Variants in EYA4 observed in about 807,000 individuals in gnomAD.
The protein encoded by EYA4 is protein phosphatase EYA4.
Under a neutral mutation model 87.9 loss-of-function variants are expected in EYA4, and 31 were observed. The observed-to-expected ratio is 0.35, with a 90% CI of 0.27 to 0.48. EYA4 has a LOEUF of 0.48. Ranked by LOEUF, EYA4 falls within the 20% of genes least tolerant of loss-of-function variation. EYA4 has a pLI of 0.99. For synonymous variants in EYA4, 263 were observed against 270.6 expected (o/e 0.97, Z 0.28); for missense variants, 678 against 761.4 (o/e 0.89, Z 1.29).
At chr6:133,387,933 A>T (rs573239746) in intron 3 of EYA4, among the ~76,000 whole-genome samples, 22 of 152,210 alleles carry the variant, frequency 1.4e-4, no homozygotes, top group African/African-American at 5.1e-4. Flanking sequence ...ATTCCTGCAG[A>T]TATGGATGCA....
chr6:133,494,599 G>A (rs73546803), intron 13 of EYA4, among the ~76,000 whole-genome samples: 4,516 of 151,644 alleles, frequency 0.03, 257 homozygotes, highest in East Asian at 0.18. Flanking sequence ...AACACTTTGG[G>A]AGGTGACGCA....
rs577520289 is a variant in EYA4, at chr6:133,505,863, T to C, written c.1192-243T>C. Among the ~76,000 whole-genome samples, 28 of 152,288 alleles carry C rather than the reference T, an allele frequency of 1.8e-4. No individual in the cohort carries two copies. In the South Asian group the frequency reaches 4.1e-3, roughly 23 times the overall value. On this transcript the variant is annotated intron_variant, in intron 13 of 19. Coordinates refer to ENST00000355286, the MANE Select transcript of EYA4 (RefSeq NM_004100.5). ...TCCTTCTCTCCTCAACATACAGCTT[T>C]ATGTGAAAATGTATGCTGAGTCATC...
intron 3 of EYA4, among the ~76,000 whole-genome samples, chr6:133,397,288 T>C (rs1562372756): frequency 1.3e-5 from 2 of 152,104 alleles, no homozygotes; most frequent in Non-Finnish European, 2.9e-5. Context: ...GTCAATAAGC[T>C]CCAGATCCTG....
At chr6:133,294,983 T>C (rs1778843958) in intron 2 of EYA4, among the ~76,000 whole-genome samples, 1 of 152,226 alleles carries the variant, frequency 6.6e-6, no homozygotes, top group African/African-American at 2.4e-5. Flanking sequence ...TCTTTTGCTC[T>C]AGTGTAATAT....
intron 2 of EYA4, among the ~76,000 whole-genome samples, chr6:133,333,016 G>C (rs1782098846): frequency 6.6e-6 from 1 of 151,902 alleles, no homozygotes; most frequent in African/African-American, 2.4e-5. Flanking sequence ...ATTTCTTCCA[G>C]TTTGTTATAT....
chr6:133,306,396 G>A (rs1047349038), intron 2 of EYA4, among the ~76,000 whole-genome samples: 9 of 152,142 alleles, frequency 5.9e-5, no homozygotes, highest in African/African-American at 2.2e-4. Flanking sequence ...AGAATCTGTA[G>A]CCAGTAACTG....
In EYA4 at chr6:133,437,834, C is replaced by T. The variant is rs920374558; in HGVS notation, c.84-8796C>T. 4.6e-5 allele frequency among the ~76,000 whole-genome samples: 7 copies of T among 152,192 alleles called. No individual in the cohort carries two copies. In the South Asian group the frequency reaches 8.3e-4, roughly 18 times the overall value. On this transcript the variant is annotated intron_variant, in intron 3 of 19. Transcript: ENST00000355286. Reference sequence around the variant, plus strand: ...ATCTTGAGAATAGCATGGGGGAGACCGCCCCTATGACTTGATTACCTCCAC... The same window carrying T: ...ATCTTGAGAATAGCATGGGGGAGACTGCCCCTATGACTTGATTACCTCCAC...
At chr6:133,281,137 C>T (rs762289485) in intron 2 of EYA4, among the ~76,000 whole-genome samples, 1 of 151,826 alleles carries the variant, frequency 6.6e-6, no homozygotes, top group Non-Finnish European at 1.5e-5. Context: ...TAAATTTGCC[C>T]CTATGTTATA....
intron 5 of EYA4, among the ~76,000 whole-genome samples, chr6:133,449,472 A>C (rs751063354): frequency 5.3e-5 from 8 of 152,336 alleles, no homozygotes; most frequent in Middle Eastern, 3.4e-3. Context: ...TTTACCTCTG[A>C]TCTCAACCAG....
chr6:133,512,580 C>T (rs1799250340), intron 14 of EYA4, 141 bp from the exon 15 acceptor site: 2 of 736,450 alleles, frequency 2.7e-6, no homozygotes, highest in African/African-American at 1.7e-5. Context: ...CAGAAGAAAA[C>T]AAGAGTGAGG....
chr6:133,479,297 C>T (rs2128702391), intron 11 of EYA4, among the ~76,000 whole-genome samples: 1 of 152,148 alleles, frequency 6.6e-6, no homozygotes, highest in South Asian at 2.1e-4. Flanking sequence ...TATATTCAAC[C>T]CCATAACTTA....
intron 3 of EYA4, chr6:133,439,468 A>G (rs563337985): frequency 6.6e-6 from 1 of 152,372 alleles, no homozygotes; most frequent in African/African-American, 2.4e-5. Context: ...CAATAAGGAT[A>G]TAGCAGTGAT....
chr6:133,317,974 C>T (rs1156244887), intron 2 of EYA4, among the ~76,000 whole-genome samples: 1 of 151,956 alleles, frequency 6.6e-6, no homozygotes, highest in African/African-American at 2.4e-5. Context: ...CATCTACCCA[C>T]CCATCCATCC....
intron 2 of EYA4, among the ~76,000 whole-genome samples, chr6:133,324,649 G>T (rs1781350717): frequency 6.6e-6 from 1 of 152,110 alleles, no homozygotes; most frequent in Non-Finnish European, 1.5e-5. Flanking sequence ...AAAGTGGAAA[G>T]ATAGGAGACC....
chr6:133,394,308 T>G (rs1162067243), intron 3 of EYA4, among the ~76,000 whole-genome samples: 1 of 88,764 alleles, frequency 1.1e-5, no homozygotes, highest in African/African-American at 2.9e-5. Flanking sequence ...TTTTTTTTTT[T>G]TTTTTTTTTT....
chr6:133,494,941 G>A (rs1797506359), intron 13 of EYA4, among the ~76,000 whole-genome samples: 1 of 152,164 alleles, frequency 6.6e-6, no homozygotes, highest in South Asian at 2.1e-4. Context: ...CATTTACCCT[G>A]ATGTGATTAT....
chr6:133,487,745 C>T (rs755042217), intron 13 of EYA4, among the ~76,000 whole-genome samples: 4 of 152,110 alleles, frequency 2.6e-5, no homozygotes, highest in African/African-American at 9.7e-5. Context: ...CAGTACTTGC[C>T]GCAGGCCTTG....
At position 133,420,913 on chromosome 6, in the gene EYA4, A is replaced by G. The variant is rs146643897; in HGVS notation, c.84-25717A>G. On this transcript the variant is annotated intron_variant, in intron 3 of 19. Coordinates refer to ENST00000355286, the MANE Select transcript of EYA4 (RefSeq NM_004100.5). ...CTGCAGTAGTTCAAGGACCTGCTGCACACTGTATACAGAATAGGGTACTGT... is the reference window on the plus strand; with the variant it reads ...CTGCAGTAGTTCAAGGACCTGCTGCGCACTGTATACAGAATAGGGTACTGT... Among the ~76,000 whole-genome samples, 414 of 152,368 alleles carry G rather than the reference A, an allele frequency of 2.7e-3. 3 individuals carry two copies. The highest frequency in any genetic ancestry group is 9.6e-3 in the African/African-American group (400 of 41,590).
At chr6:133,416,494 A>G (rs1357048692) in intron 3 of EYA4, among the ~76,000 whole-genome samples, 2 of 152,176 alleles carry the variant, frequency 1.3e-5, no homozygotes, top group Non-Finnish European at 2.9e-5. Context: ...TAAAATCCTT[A>G]CAAGGTCCCA....
Sources: allele counts gnomAD v4.1 joint callset (sites outside exome capture counted in the v4.1 genomes callset), GRCh38; gene constraint gnomAD v4.1.1; transcripts MANE v1.5; gene names NCBI Gene and HGNC (gene_info 2026-07-23, HGNC 2026-07-21).